Variants in TRPV3 observed in about 807,000 individuals in gnomAD.
TRPV3 encodes transient receptor potential cation channel subfamily V member 3, also known as VRL-3.
In TRPV3, 88 loss-of-function variants were observed where a neutral mutation model predicts 87.1. That is an observed-to-expected ratio of 1.01 (90% CI 0.85 to 1.21). The LOEUF is 1.21. TRPV3 is among the 50% of genes most tolerant of loss of function. TRPV3 has a pLI of 0.00. For synonymous variants in TRPV3, 438 were observed against 423.3 expected (o/e 1.03, Z -0.43); for missense variants, 1,054 against 1,030.1 (o/e 1.02, Z -0.32).
At chr17:3,540,060 A>AAAATAAATAAATAAAT (rs369472913) in intron 6 of TRPV3, among the ~76,000 whole-genome samples, 48 of 145,638 alleles carry the variant, frequency 3.3e-4, no homozygotes, top group African/African-American at 1.1e-3. Context: ...TCCATCTCAA[A>AAAATAAATAAATAAAT]AAATAAATAA....
At chr17:3,522,711 GGAGGCTGGGGCGGGAGAATTGCTT>G (rs934230271) in intron 13 of TRPV3, among the ~76,000 whole-genome samples, 1 of 151,738 alleles carries the variant, frequency 6.6e-6, no homozygotes, top group African/African-American at 2.4e-5. Context: ...CAGCTACTCA[GGAGGCTGGGGCGGGAGAATTGCTT>G]GAGCCCGGGA....
At chr17:3,515,539 C>T (rs1597463960) in intron 16 of TRPV3, among the ~76,000 whole-genome samples, 4 of 152,140 alleles carry the variant, frequency 2.6e-5, no homozygotes, top group African/African-American at 9.6e-5. Context: ...CATATGCCTG[C>T]AGTCCCAGCT....
rs949003424 is a variant in TRPV3 at position 3,535,565 on chromosome 17, G to A, written c.784+8C>T. The A allele has an allele frequency of 6.9e-6, 11 of 1,585,510 alleles. No individual in the cohort carries two copies. The highest frequency in any genetic ancestry group is 2.4e-5 in the East Asian group (1 of 42,244). On this transcript the variant is annotated splice_region_variant and intron_variant, in intron 7 of 17. Transcript: ENST00000576742. ...CCAGACTCCGCACCGGGCGGGGGCG[G>A]CACCCACCGAAGTAGAAGCCTTCGT...
chr17:3,526,846 C>A lies in TRPV3; in HGVS notation c.1577+8G>T. On this transcript the variant is annotated splice_region_variant and intron_variant, in intron 12 of 17. Coordinates refer to ENST00000576742, the MANE Select transcript of TRPV3 (RefSeq NM_145068.4). ...TGAGGCGATAACCAAGGGGCCAGAC[C>A]TACTTACAAGACAAAGTGGAACCAG... 1 of 1,608,564 alleles carries A rather than the reference C, an allele frequency of 6.2e-7. No individual in the cohort carries two copies. The highest frequency in any genetic ancestry group is 1.1e-5 in the South Asian group (1 of 89,676).
intron 12 of TRPV3, 25 bp downstream of exon 12, chr17:3,526,829 T>C (rs2074304291): frequency 6.3e-7 from 1 of 1,599,086 alleles, no homozygotes; most frequent in Non-Finnish European, 8.5e-7. Flanking sequence ...TGTGAGGCGA[T>C]AACCAAGGGG....
Position 3,518,066 on chromosome 17 carries a change from G to C in TRPV3, c.2085+510C>G, listed in dbSNP as rs546165768. ...ACTCTTGACCTCAGGTGATCCACCC[G>C]CTTCGGCCTTCCAAAGTGCTAAGAT... On this transcript the variant is annotated intron_variant, in intron 15 of 17. Coordinates refer to ENST00000576742, the MANE Select transcript of TRPV3 (RefSeq NM_145068.4). This position sits in a 1 kb window ranked among gnomAD's most constrained non-coding sequence, Gnocchi z 4.3. 1.3e-5 allele frequency among the ~76,000 whole-genome samples: 2 copies of C among 151,964 alleles called. No individual in the cohort carries two copies. The highest frequency in any genetic ancestry group is 4.8e-5 in the African/African-American group (2 of 41,364).
intron 13 of TRPV3, among the ~76,000 whole-genome samples, chr17:3,521,756 C>T (rs2074247738): frequency 6.6e-6 from 1 of 152,094 alleles, no homozygotes; most frequent in South Asian, 2.1e-4. Flanking sequence ...TATAAACTTA[C>T]AATTAAATAA....
intron 2 of TRPV3, among the ~76,000 whole-genome samples, chr17:3,545,824 CAAA>C (rs35206458): frequency 3.2e-5 from 4 of 124,566 alleles, no homozygotes; most frequent in Admixed American, 8.0e-5. Context: ...ACTTAAAATG[CAAA>C]AAAAAAAAAA....
At chr17:3,515,038 G>T (rs2074165121) in intron 16 of TRPV3, among the ~76,000 whole-genome samples, 1 of 152,218 alleles carries the variant, frequency 6.6e-6, no homozygotes, top group African/African-American at 2.4e-5. Context: ...AGGGTGTGAA[G>T]ATTAAACTCC....
chr17:3,542,506 T>A lies in TRPV3; in HGVS notation c.643+16A>T. On this transcript the variant is annotated intron_variant, in intron 6 of 17. Transcript: ENST00000576742. ...CAGAGACTCCTGTCTGCACAGCCCC[T>A]CTGCAGGCAGGATACCTTCATAGGC... The A allele has an allele frequency of 1.2e-6, 2 of 1,610,268 alleles. No homozygotes were observed. The highest frequency in any genetic ancestry group is 1.7e-6 in the Non-Finnish European group (2 of 1,177,982).
chr17:3,542,446 G>C, intron 6 of TRPV3, 76 bp downstream of exon 6: 1 of 1,524,758 alleles, frequency 6.6e-7, no homozygotes. Flanking sequence ...ACGTGGCCTG[G>C]CCAGCAGTGG....
At position 3,524,262 on chromosome 17, in the gene TRPV3, G is replaced by A. The variant is rs758875463; in HGVS notation, c.1679C>T (p.Ala560Val). ...CLVLAMALGW[A>V]NMLYYTRGFQ... ...ACCCCGCGTATAGTAGAGCATGTTC[G>A]CCCAGCCCAGGGCCATGGCCAGCAC... The change falls in exon 13 of 18, where the codon GCG (alanine) becomes GTG (valine). Residue 560 changes from alanine to valine, a missense_variant. Transcript: ENST00000576742. The A allele has an allele frequency of 6.2e-6, 10 of 1,614,200 alleles. No individual in the cohort carries two copies. Among genetic ancestry groups the A allele is most frequent in the East Asian group, 4.5e-5 (2 of 44,888 alleles).
rs1179703010 is a variant in TRPV3, at chr17:3,557,305, C to G, written c.-3+371G>C. On this transcript the variant is annotated intron_variant, in intron 1 of 17. Coordinates refer to ENST00000576742, the MANE Select transcript of TRPV3 (RefSeq NM_145068.4). This position sits in a 1 kb window ranked among gnomAD's most constrained non-coding sequence, Gnocchi z 4.5. ...CACGGTGGGGCCACCTCCTCCCATC[C>G]TGAACTCCCATCACAATCCTGCCCC... 6.6e-6 allele frequency among the ~76,000 whole-genome samples: 1 copy of G among 152,160 alleles called. No individual in the cohort carries two copies. The highest frequency in any genetic ancestry group is 1.5e-5 in the Non-Finnish European group (1 of 68,014).
rs766462818 is a variant in TRPV3 at position 3,528,974 on chromosome 17, G to C, written c.1264C>G (p.Leu422Val). ...TGCAGCAGCGTGTGCAGCGGCTCCA[G>C]GGTCAGCATCTCATGCCGGTTCTAG... Reference protein sequence around the residue: ...NIDNRHEMLTLEPLHTLLHMK... With the variant: ...NIDNRHEMLTVEPLHTLLHMK... Residue 422 changes from leucine to valine, a missense_variant, in exon 10 of 18, where the codon CTG (leucine) becomes GTG (valine). Leu to Val is a conservative substitution (Grantham distance 32). Coordinates refer to ENST00000576742, the MANE Select transcript of TRPV3 (RefSeq NM_145068.4). The surrounding 1 kb of genome is among the most constrained non-coding windows in gnomAD (Gnocchi z 4.2). 1.2e-6 allele frequency: 2 copies of C among 1,614,200 alleles called. No homozygotes were observed. Among genetic ancestry groups the C allele is most frequent in the Non-Finnish European group, 1.7e-6 (2 of 1,180,030 alleles).
chr17:3,521,394 T>C (rs966642950), intron 13 of TRPV3, among the ~76,000 whole-genome samples: 2 of 152,158 alleles, frequency 1.3e-5, no homozygotes, highest in Non-Finnish European at 2.9e-5. Context: ...CTCATGAAGC[T>C]TGTGAGCTGG....
rs148777786 is a variant in TRPV3, at chr17:3,532,705, G to A, written c.1017C>T (p.Asn339=). 1.7e-4 allele frequency: 277 copies of A among 1,614,138 alleles called. No homozygotes were observed. The highest frequency in any genetic ancestry group is 6.4e-4 in the South Asian group (58 of 91,092). ...CCAGCTGCAGCGGCGTGAGGCCATCGTTGTTGCGAGTGGTCTCCAGCTCCC... is the reference window on the plus strand; with the variant it reads ...CCAGCTGCAGCGGCGTGAGGCCATCATTGTTGCGAGTGGTCTCCAGCTCCC... ...GNWELETTRN[N]DGLTPLQLAA... is the part of the protein sequence containing the mutation. Residue 339 remains asparagine (N), a synonymous_variant, in exon 8 of 18, where the codon AAC becomes AAT. Coordinates refer to ENST00000576742, the MANE Select transcript of TRPV3 (RefSeq NM_145068.4).
At position 3,516,567 on chromosome 17, in the gene TRPV3, T is replaced by C; in HGVS notation, c.2088A>G (p.Arg696=). Residue 696 remains arginine (R), a splice_region_variant and synonymous_variant, in exon 16 of 18, where the codon AGA becomes AGG. Coordinates refer to ENST00000576742, the MANE Select transcript of TRPV3 (RefSeq NM_145068.4). ...TCTCAAACTCCAAGATGGTCCTGGC[T>C]CTCTGGGGACATAAGCAAGTCTAAG... ...KESERIWRLQ[R]ARTILEFEKM... The C allele has an allele frequency of 6.2e-7, 1 of 1,613,178 alleles. No homozygotes were observed. Among genetic ancestry groups the C allele is most frequent in the African/African-American group, 1.3e-5 (1 of 74,990 alleles).
chr17:3,518,521 G>A lies in TRPV3; in HGVS notation c.2085+55C>T, dbSNP rs946207058. The A allele has an allele frequency of 1.7e-5, 25 of 1,510,932 alleles. No individual in the cohort carries two copies. In the Admixed American group the frequency reaches 4.0e-4, roughly 24 times the overall value. The allele number at this position is 1,510,932 out of a possible 1,614,324, so 93.6% of individuals were successfully genotyped here. ...GGTGCTGACAGTAGTCAATGACCAC[G>A]TGCTGAACTGAGTCCCGTGGAGGCC... On this transcript the variant is annotated intron_variant, in intron 15 of 17. Coordinates refer to ENST00000576742, the MANE Select transcript of TRPV3 (RefSeq NM_145068.4). The surrounding 1 kb of genome is among the most constrained non-coding windows in gnomAD (Gnocchi z 4.3).
chr17:3,533,936 T>C (rs924749104), intron 7 of TRPV3, among the ~76,000 whole-genome samples: 4 of 152,232 alleles, frequency 2.6e-5, no homozygotes, highest in Admixed American at 2.0e-4. Flanking sequence ...TGTTCACTGA[T>C]ACATTTCAAG....
Sources: allele counts gnomAD v4.1 joint callset (sites outside exome capture counted in the v4.1 genomes callset), GRCh38; gene constraint gnomAD v4.1.1; non-coding constraint Gnocchi (gnomAD v3.1); transcripts MANE v1.5; gene names NCBI Gene and HGNC (gene_info 2026-07-23, HGNC 2026-07-21).